The following GRB10 variants were observed in gnomAD, a reference collection of about 807,000 sequenced individuals.
The protein encoded by GRB10 is growth factor receptor-bound protein 10.
GRB10 carries 20 observed loss-of-function variants against 80.9 expected under a neutral mutation model. The observed-to-expected ratio is 0.25, with a 90% CI of 0.17 to 0.36. The LOEUF (loss-of-function observed/expected upper bound fraction) is 0.36, where lower values mean the gene tolerates loss of function less well. Ranked by LOEUF, GRB10 falls within the 10% of genes least tolerant of loss-of-function variation. The pLI, the probability that GRB10 is intolerant of heterozygous loss-of-function variation, is 1.00. For synonymous variants in GRB10, 291 were observed against 291.5 expected (o/e 1.00, Z 0.02); for missense variants, 548 against 747.7 (o/e 0.73, Z 3.12).
chr7:50,758,337 G>A (rs139768254), intron 2 of GRB10, among the ~76,000 whole-genome samples: 25 of 152,290 alleles, frequency 1.6e-4, no homozygotes, highest in African/African-American at 5.3e-4. Context: ...TCAGTCAGGA[G>A]AGATTTCTTA....
chr7:50,774,642 G>A lies in GRB10; in HGVS notation c.-217+5985C>T, dbSNP rs114408675. Among the ~76,000 whole-genome samples, 1,356 of 152,270 alleles carry A rather than the reference G, an allele frequency of 8.9e-3. 24 individuals are homozygous for A. Among genetic ancestry groups the A allele is most frequent in the African/African-American group, 0.031 (1,279 of 41,546 alleles). ...CTTAATAGAGTTGCGTTGGGGAAGTGATAAGGCCATAAGGAGACACAAACA... is the reference window on the plus strand; with the variant it reads ...CTTAATAGAGTTGCGTTGGGGAAGTAATAAGGCCATAAGGAGACACAAACA... On this transcript the variant is annotated intron_variant, in intron 2 of 18. Transcript: ENST00000401949.
chr7:50,595,610 C>CAT, intron 17 of GRB10, 80 bp from the exon 18 acceptor site: 1 of 725,964 alleles, frequency 1.4e-6, no homozygotes, highest in Non-Finnish European at 2.5e-6. Flanking sequence ...CTTACACACA[C>CAT]ACACACACAC....
At chr7:50,641,279 T>TG (rs1231282530) in intron 7 of GRB10, among the ~76,000 whole-genome samples, 3 of 150,514 alleles carry the variant, frequency 2.0e-5, no homozygotes, top group South Asian at 2.1e-4. Context: ...TCAAAAAAGG[T>TG]GGGGGGGTAG....
At chr7:50,684,939 AC>A (rs879032201) in intron 5 of GRB10, among the ~76,000 whole-genome samples, 5 of 152,290 alleles carry the variant, frequency 3.3e-5, no homozygotes, top group Admixed American at 3.3e-4. Flanking sequence ...TTTTCCATGA[AC>A]CCTAAAAATA....
chr7:50,738,477 C>T (rs1042665533), intron 3 of GRB10, among the ~76,000 whole-genome samples: 2 of 152,180 alleles, frequency 1.3e-5, no homozygotes, highest in African/African-American at 4.8e-5. Flanking sequence ...CTCCCTCTGT[C>T]ACTCAGGCTG....
chr7:50,686,925 AT>A (rs1321009119), intron 5 of GRB10, among the ~76,000 whole-genome samples: 1 of 152,076 alleles, frequency 6.6e-6, no homozygotes, highest in Non-Finnish European at 1.5e-5. Flanking sequence ...TGTAAGTTTT[AT>A]TTTTTTATTT....
chr7:50,704,389 A>C (rs2064736500), intron 4 of GRB10, among the ~76,000 whole-genome samples: 1 of 152,220 alleles, frequency 6.6e-6, no homozygotes, highest in African/African-American at 2.4e-5. Flanking sequence ...TGTGAGAACA[A>C]CACTTTCAGG....
At chr7:50,725,227 C>A (rs2068436088) in intron 4 of GRB10, among the ~76,000 whole-genome samples, 1 of 152,174 alleles carries the variant, frequency 6.6e-6, no homozygotes, top group South Asian at 2.1e-4. Flanking sequence ...AGTAAGTTGC[C>A]ACGAGACCTG....
At chr7:50,763,061 C>A (rs1234563674) in intron 2 of GRB10, among the ~76,000 whole-genome samples, 4 of 150,454 alleles carry the variant, frequency 2.7e-5, no homozygotes, top group African/African-American at 9.8e-5. Context: ...GAGCTTGCAG[C>A]GAGCCGAGAT....
intron 12 of GRB10, among the ~76,000 whole-genome samples, chr7:50,613,681 G>T (rs890062462): frequency 6.6e-6 from 1 of 152,204 alleles, no homozygotes; most frequent in Non-Finnish European, 1.5e-5. Flanking sequence ...CATGGCTGGT[G>T]TGGGCTGGTG....
At chr7:50,628,555 G>A (rs1410865652) in intron 7 of GRB10, among the ~76,000 whole-genome samples, 1 of 131,258 alleles carries the variant, frequency 7.6e-6, no homozygotes, top group African/African-American at 2.8e-5. Context: ...TCAAGCCTGA[G>A]TGCCCAGGTG....
intron 2 of GRB10, among the ~76,000 whole-genome samples, chr7:50,767,708 G>A (rs367910348): frequency 5.9e-5 from 9 of 152,198 alleles, no homozygotes; most frequent in South Asian, 2.1e-4. Context: ...TTCTTACATC[G>A]TCCTATCCAG....
chr7:50,676,919 T>C (rs933701491), intron 5 of GRB10, among the ~76,000 whole-genome samples: 1 of 151,950 alleles, frequency 6.6e-6, no homozygotes, highest in Non-Finnish European at 1.5e-5. Flanking sequence ...GCTGCTGAAA[T>C]GGCAGCGATG....
At chr7:50,650,051 G>A (rs1260852904) in intron 7 of GRB10, among the ~76,000 whole-genome samples, 1 of 152,158 alleles carries the variant, frequency 6.6e-6, no homozygotes, top group African/African-American at 2.4e-5. Context: ...CCACTAGAGT[G>A]GGGGAGGCTG....
At chr7:50,770,168 A>C (rs1309693412) in intron 2 of GRB10, among the ~76,000 whole-genome samples, 2 of 152,176 alleles carry the variant, frequency 1.3e-5, no homozygotes, top group South Asian at 4.1e-4. Context: ...TAATCACTTC[A>C]TCTAGTTCCA....
In GRB10 at chr7:50,626,877, G is replaced by C; in HGVS notation, c.606C>G (p.His202Gln). Residue 202 changes from histidine (H) to glutamine (Q), a missense_variant, in exon 8 of 19, where the codon CAC becomes CAG. By Grantham distance (24) the His-to-Gln change is conservative. Coordinates refer to ENST00000401949, the MANE Select transcript of GRB10 (RefSeq NM_001350814.2). ...DLCQLLVYKS[H>Q]CVDDNSWTLV... ...GTGTCCAGCTGTTGTCATCCACACA[G>C]TGACTTTTGTAAACCAGCAATTGGC... The C allele has an allele frequency of 6.2e-7, 1 of 1,614,140 alleles. No homozygotes were observed. Among genetic ancestry groups the C allele is most frequent in the Non-Finnish European group, 8.5e-7 (1 of 1,180,026 alleles).
intron 13 of GRB10, among the ~76,000 whole-genome samples, chr7:50,609,213 AAAGATT>A (rs1414494448): frequency 3.3e-5 from 5 of 152,244 alleles, no homozygotes; most frequent in African/African-American, 4.8e-5. Context: ...GTTAAAAGAT[AAAGATT>A]ATCAAAGTAA....
chr7:50,718,528 G>A (rs1490564574), intron 4 of GRB10, among the ~76,000 whole-genome samples: 2 of 152,222 alleles, frequency 1.3e-5, no homozygotes, highest in African/African-American at 2.4e-5. Flanking sequence ...TGAGATCAGT[G>A]AGAGCTCACT....
chr7:50,701,553 C>T (rs1029439721), intron 5 of GRB10, among the ~76,000 whole-genome samples: 5 of 152,142 alleles, frequency 3.3e-5, no homozygotes, highest in African/African-American at 1.2e-4. Flanking sequence ...AGCTGCTCTC[C>T]GGCCTGGGTG....
Sources: gnomAD v4.1 joint callset for allele counts (sites outside exome capture counted in the v4.1 genomes callset) on GRCh38, gnomAD v4.1.1 for gene constraint, MANE v1.5 for transcripts, NCBI Gene and HGNC (gene_info 2026-07-23, HGNC 2026-07-21) for gene names.